The following MIR2052HG variants were observed in gnomAD, a reference collection of about 807,000 sequenced individuals.
The protein encoded by MIR2052HG is MIR2052 host gene.
intron 2 of MIR2052HG, among the ~76,000 whole-genome samples, chr8:74,693,305 T>C (rs1447180535): frequency 1.3e-5 from 2 of 152,146 alleles, no homozygotes; most frequent in Non-Finnish European, 2.9e-5. Context: ...CATTTTTGAC[T>C]TTGTCTCACA....
At chr8:74,673,922 A>C (rs1052309955) in intron 2 of MIR2052HG, among the ~76,000 whole-genome samples, 1 of 122,440 alleles carries the variant, frequency 8.2e-6, no homozygotes, top group Non-Finnish European at 1.6e-5. Flanking sequence ...CACACACAAA[A>C]TATCTATCTA....
chr8:74,716,800 T>C (rs1335671309), intron 4 of MIR2052HG, among the ~76,000 whole-genome samples: 2 of 152,204 alleles, frequency 1.3e-5, no homozygotes, highest in African/African-American at 4.8e-5. Context: ...TGTACGTGGA[T>C]ATGTGCATGC....
intron 4 of MIR2052HG, among the ~76,000 whole-genome samples, chr8:74,704,405 C>G (rs1481892597): frequency 6.6e-6 from 1 of 151,986 alleles, no homozygotes; most frequent in Non-Finnish European, 1.5e-5. Context: ...TCTTTCCAGG[C>G]ACTAACTACA....
intron 2 of MIR2052HG, among the ~76,000 whole-genome samples, chr8:74,641,591 T>A (rs1286979433): frequency 6.6e-6 from 1 of 152,162 alleles, no homozygotes; most frequent in African/African-American, 2.4e-5. Flanking sequence ...AAAAATAGAA[T>A]AGATTGTGGT....
intron 2 of MIR2052HG, among the ~76,000 whole-genome samples, chr8:74,672,467 G>C (rs149630579): frequency 4.0e-4 from 61 of 152,170 alleles, no homozygotes; most frequent in African/African-American, 1.4e-3. Context: ...TAAATGTAGT[G>C]AAATGGACTA....
intron 1 of MIR2052HG, among the ~76,000 whole-genome samples, chr8:74,601,864 A>G (rs989835562): frequency 6.6e-6 from 1 of 152,190 alleles, no homozygotes; most frequent in Non-Finnish European, 1.5e-5. Flanking sequence ...AAGTGAATAA[A>G]TCTCATTATC....
intron 2 of MIR2052HG, among the ~76,000 whole-genome samples, chr8:74,613,361 C>A (rs1808228253): frequency 1.3e-5 from 2 of 152,146 alleles, no homozygotes; most frequent in African/African-American, 4.8e-5. Flanking sequence ...AACAGCTATA[C>A]CATTTGCAAA....
At chr8:74,736,496 T>C (rs1809745963) in intron 4 of MIR2052HG, among the ~76,000 whole-genome samples, 1 of 152,210 alleles carries the variant, frequency 6.6e-6, no homozygotes, top group African/African-American at 2.4e-5. Context: ...TAGAAGTCTT[T>C]GTAGATCTAT....
chr8:74,671,345 A>G (rs1808990501), intron 2 of MIR2052HG, among the ~76,000 whole-genome samples: 1 of 152,024 alleles, frequency 6.6e-6, no homozygotes, highest in African/African-American at 2.4e-5. Flanking sequence ...TTTTTGGTTG[A>G]CCAGAGCTGA....
At chr8:74,604,299 A>T in intron 1 of MIR2052HG, 4 of 597,858 alleles carry the variant, frequency 6.7e-6, no homozygotes, top group Middle Eastern at 4.8e-4. Flanking sequence ...TTGGTCACTG[A>T]TGGGGGGTGA....
At chr8:74,612,279 A>G (rs1808209102) in intron 1 of MIR2052HG, among the ~76,000 whole-genome samples, 1 of 152,170 alleles carries the variant, frequency 6.6e-6, no homozygotes, top group Non-Finnish European at 1.5e-5. Context: ...GGGTTGGTCC[A>G]CTTCCATTCA....
chr8:74,626,405 A>T (rs1808437371), intron 2 of MIR2052HG, among the ~76,000 whole-genome samples: 1 of 152,134 alleles, frequency 6.6e-6, no homozygotes, highest in African/African-American at 2.4e-5. Flanking sequence ...AAGTACAGGG[A>T]TTGGGCCATT....
At chr8:74,689,025 T>TA (rs1483132540) in intron 2 of MIR2052HG, among the ~76,000 whole-genome samples, 1 of 152,220 alleles carries the variant, frequency 6.6e-6, no homozygotes, top group Non-Finnish European at 1.5e-5. Flanking sequence ...AATTGATTGT[T>TA]ATCTCTATTT....
chr8:74,685,620 A>T (rs1349840158), intron 2 of MIR2052HG, among the ~76,000 whole-genome samples: 1 of 152,108 alleles, frequency 6.6e-6, no homozygotes, highest in East Asian at 1.9e-4. Context: ...CAGTGTGAAA[A>T]ACATATACCA....
At chr8:74,718,566 A>T (rs546685580) in intron 4 of MIR2052HG, among the ~76,000 whole-genome samples, 1 of 152,290 alleles carries the variant, frequency 6.6e-6, no homozygotes, top group East Asian at 1.9e-4. Context: ...GTACTCACAA[A>T]CTGATGTGCA....
intron 2 of MIR2052HG, among the ~76,000 whole-genome samples, chr8:74,669,809 A>G (rs1474349698): frequency 6.6e-6 from 1 of 152,128 alleles, no homozygotes; most frequent in African/African-American, 2.4e-5. Context: ...CATCCTGACC[A>G]CCTAGTTAGA....
chr8:74,615,306 T>C (rs561763245), intron 2 of MIR2052HG, among the ~76,000 whole-genome samples: 74 of 152,332 alleles, frequency 4.9e-4, no homozygotes, highest in South Asian at 4.1e-4. Context: ...AGCTCTAATG[T>C]CATCCTGAGA....
intron 5 of MIR2052HG, chr8:74,752,621 G>A (rs941482260): frequency 2.8e-6 from 1 of 356,026 alleles, no homozygotes; most frequent in African/African-American, 2.2e-5. Context: ...CATTCAAGAA[G>A]CATTTGATTG....
intron 4 of MIR2052HG, among the ~76,000 whole-genome samples, chr8:74,728,232 CAGTT>C (rs929588365): frequency 1.3e-5 from 2 of 152,188 alleles, no homozygotes; most frequent in Non-Finnish European, 2.9e-5. Flanking sequence ...TTGAGGCAGT[CAGTT>C]ACTTTCTGTC....
Sources: allele counts gnomAD v4.1 joint callset (sites outside exome capture counted in the v4.1 genomes callset), GRCh38; gene constraint gnomAD v4.1.1; transcripts MANE v1.5; gene names NCBI Gene and HGNC (gene_info 2026-07-23, HGNC 2026-07-21).